The following RIMS1 variants were observed in gnomAD, a reference collection of about 807,000 sequenced individuals.
RIMS1 encodes the protein regulating synaptic membrane exocytosis 1.
Under a neutral mutation model 214.1 loss-of-function variants are expected in RIMS1, and 83 were observed. The ratio of observed to expected loss-of-function variants is 0.39; its 90% CI spans 0.32 to 0.47. The LOEUF (loss-of-function observed/expected upper bound fraction) is 0.47. RIMS1 is among the 20% of genes least tolerant of loss of function. The pLI is 0.99. For missense variants in RIMS1, 2,050 were observed against 2,161.8 expected, an observed-to-expected ratio of 0.95 and a Z score of 1.03; for synonymous variants, 793 against 786.8, an observed-to-expected ratio of 1.01 and a Z score of -0.13.
At chr6:72,163,776 G>A (rs1252849244) in intron 4 of RIMS1, among the ~76,000 whole-genome samples, 2 of 89,362 alleles carry the variant, frequency 2.2e-5, no homozygotes, top group African/African-American at 6.5e-5. Context: ...GGCCATGTGA[G>A]GTGTCAATCT....
chr6:72,142,009 A>G (rs2042133418), intron 4 of RIMS1, among the ~76,000 whole-genome samples: 1 of 152,022 alleles, frequency 6.6e-6, no homozygotes, highest in African/African-American at 2.4e-5. Context: ...CTTTTAAAAC[A>G]TCTATTAAAA....
intron 29 of RIMS1, among the ~76,000 whole-genome samples, chr6:72,387,925 T>C (rs1047656868): frequency 2.0e-5 from 3 of 152,206 alleles, no homozygotes; most frequent in Admixed American, 6.5e-5. Context: ...TAAAGTGGAA[T>C]AGTGCAATCT....
At chr6:72,122,336 C>T (rs1455916460) in intron 4 of RIMS1, among the ~76,000 whole-genome samples, 1 of 151,106 alleles carries the variant, frequency 6.6e-6, no homozygotes, top group Non-Finnish European at 1.5e-5. Flanking sequence ...TTTTAAGTAG[C>T]TGGGACTACA....
chr6:72,386,295 T>C (rs2098600275), intron 29 of RIMS1, among the ~76,000 whole-genome samples: 1 of 152,234 alleles, frequency 6.6e-6, no homozygotes, highest in Non-Finnish European at 1.5e-5. Context: ...AACAATCATG[T>C]GAAACCTGTG....
At chr6:71,897,427 G>T (rs1023425855) in intron 1 of RIMS1, among the ~76,000 whole-genome samples, 5 of 151,994 alleles carry the variant, frequency 3.3e-5, no homozygotes, top group African/African-American at 1.2e-4. Context: ...TGCTATTTCT[G>T]TTCTTTGGTC....
intron 2 of RIMS1, among the ~76,000 whole-genome samples, chr6:72,019,920 G>A (rs1040609813): frequency 6.6e-6 from 1 of 152,150 alleles, no homozygotes; most frequent in Non-Finnish European, 1.5e-5. Context: ...AGATCCTTGA[G>A]GATTGAGGGC....
In RIMS1 at chr6:72,156,192, A is replaced by G. The variant is rs2044420858; in HGVS notation, c.472-23383A>G. ...TTCCATGTTCACTGTGGTGTTATTCACAATAACCAAGAAGTGGCAACAACC... is the reference window on the plus strand; with the variant it reads ...TTCCATGTTCACTGTGGTGTTATTCGCAATAACCAAGAAGTGGCAACAACC... On this transcript the variant is annotated intron_variant, in intron 4 of 33. Coordinates refer to ENST00000521978, the MANE Select transcript of RIMS1 (RefSeq NM_014989.7). 1.8e-5 allele frequency: 3 copies of G among 170,716 alleles called. 1 individual carries two copies. The South Asian group carries it at 2.6e-4, about 15-fold the overall frequency. 10.6% of individuals were successfully genotyped at this position (170,716 alleles called of 1,614,324 possible). A position where few individuals can be genotyped will look rare whatever the true frequency, so the allele number is the denominator to read the frequency against.
intron 4 of RIMS1, among the ~76,000 whole-genome samples, chr6:72,144,994 C>G (rs984287562): frequency 6.6e-6 from 1 of 151,668 alleles, no homozygotes; most frequent in Admixed American, 6.6e-5. Flanking sequence ...AAGTGATTCT[C>G]CTGCCTCAGC....
intron 4 of RIMS1, among the ~76,000 whole-genome samples, chr6:72,121,513 A>G (rs985823087): frequency 6.6e-6 from 1 of 151,928 alleles, no homozygotes; most frequent in Non-Finnish European, 1.5e-5. Flanking sequence ...GCATCCTGAG[A>G]CTTTTCTGAA....
chr6:72,150,356 G>A (rs949458387), intron 4 of RIMS1, among the ~76,000 whole-genome samples: 1 of 152,176 alleles, frequency 6.6e-6, no homozygotes, highest in Non-Finnish European at 1.5e-5. Context: ...CTGTGGATTT[G>A]ACTTGTATTT....
chr6:72,290,520 A>G (rs1339857611), intron 24 of RIMS1, among the ~76,000 whole-genome samples, 159 bp from the exon 25 acceptor site: 1 of 152,228 alleles, frequency 6.6e-6, no homozygotes, highest in African/African-American at 2.4e-5. Context: ...ATAACTTGTC[A>G]GTTTGATTTG....
At chr6:71,968,420 C>T (rs1273324231) in intron 1 of RIMS1, among the ~76,000 whole-genome samples, 1 of 152,114 alleles carries the variant, frequency 6.6e-6, no homozygotes, top group African/African-American at 2.4e-5. Flanking sequence ...TACACACACA[C>T]ACACACTCTT....
At chr6:71,965,312 A>C (rs1583644556) in intron 1 of RIMS1, among the ~76,000 whole-genome samples, 1 of 151,838 alleles carries the variant, frequency 6.6e-6, no homozygotes, top group Non-Finnish European at 1.5e-5. Context: ...TTTGGGAGGG[A>C]GGGTAGAAGG....
chr6:71,901,033 A>G (rs1323923069), intron 1 of RIMS1, among the ~76,000 whole-genome samples: 1 of 152,150 alleles, frequency 6.6e-6, no homozygotes, highest in African/African-American at 2.4e-5. Context: ...TCACTAAATC[A>G]AAGGGAAGAG....
At chr6:72,106,187 T>C (rs1367295002) in intron 4 of RIMS1, among the ~76,000 whole-genome samples, 1 of 152,184 alleles carries the variant, frequency 6.6e-6, no homozygotes, top group East Asian at 1.9e-4. Context: ...TATTTTGTTT[T>C]CAGAAAGTAA....
chr6:72,322,349 G>A (rs1370405896), intron 28 of RIMS1, among the ~76,000 whole-genome samples: 1 of 152,032 alleles, frequency 6.6e-6, no homozygotes, highest in Non-Finnish European at 1.5e-5. Context: ...GAATCAATGT[G>A]GCAAAAGCTA....
chr6:72,220,054 A>T (rs1393677064), intron 6 of RIMS1, among the ~76,000 whole-genome samples: 1 of 152,060 alleles, frequency 6.6e-6, no homozygotes, highest in African/African-American at 2.4e-5. Context: ...TTTTGAGGTG[A>T]GTTCCCTTGC....
At chr6:72,355,589 A>AT (rs1052052513) in intron 29 of RIMS1, among the ~76,000 whole-genome samples, 1 of 152,108 alleles carries the variant, frequency 6.6e-6, no homozygotes, top group Non-Finnish European at 1.5e-5. Flanking sequence ...CAAGCAGCTG[A>AT]TTTTTTACAC....
At chr6:72,079,119 G>C (rs1832647564) in intron 2 of RIMS1, among the ~76,000 whole-genome samples, 1 of 152,064 alleles carries the variant, frequency 6.6e-6, no homozygotes, top group African/African-American at 2.4e-5. Flanking sequence ...CCTCTACCTT[G>C]ATTTGTACAT....
Sources: gnomAD v4.1 joint callset for allele counts (sites outside exome capture counted in the v4.1 genomes callset) on GRCh38, gnomAD v4.1.1 for gene constraint, MANE v1.5 for transcripts, NCBI Gene and HGNC (gene_info 2026-07-23, HGNC 2026-07-21) for gene names.